EMCN: variants seen among roughly 807,000 people sequenced by gnomAD.
The protein encoded by EMCN is MUC-14.
A neutral mutation model predicts 38.4 loss-of-function variants in EMCN; 37 were observed. The observed-to-expected ratio is 0.96, with a 90% CI of 0.74 to 1.27. The LOEUF is 1.27. Ranked by LOEUF, EMCN falls within the 50% of genes most tolerant of loss-of-function variation. The pLI, the probability that EMCN is intolerant of heterozygous loss-of-function variation, is 0.00. For synonymous variants in EMCN, 95 were observed against 100.8 expected, an observed-to-expected ratio of 0.94 and a Z score of 0.35; for missense variants, 318 against 302.8, an observed-to-expected ratio of 1.05 and a Z score of -0.37.
intron 4 of EMCN, among the ~76,000 whole-genome samples, chr4:100,457,874 G>A (rs898385259): frequency 5.3e-5 from 8 of 152,076 alleles, no homozygotes; most frequent in African/African-American, 1.9e-4. Flanking sequence ...ATCCCAGGAC[G>A]TTGGGAGGCT....
intron 10 of EMCN, among the ~76,000 whole-genome samples, chr4:100,414,931 C>T (rs72919540): frequency 0.046 from 6,930 of 152,046 alleles, 528 homozygotes; most frequent in African/African-American, 0.16. Context: ...TATGAAGTCT[C>T]GCTCCTTTGT....
intron 5 of EMCN, among the ~76,000 whole-genome samples, chr4:100,446,682 T>G (rs751134961): frequency 2.6e-5 from 4 of 152,158 alleles, no homozygotes; most frequent in Non-Finnish European, 5.9e-5. Context: ...AATTATTTTA[T>G]CACCCAGGTA....
intron 4 of EMCN, among the ~76,000 whole-genome samples, chr4:100,457,249 A>G (rs1474938694): frequency 6.6e-6 from 1 of 151,462 alleles, no homozygotes. Context: ...AGATCATGTC[A>G]TCTGAGAACA....
Position 100,398,160 on chromosome 4 carries a change from G to C in EMCN, c.*253C>G, listed in dbSNP as rs190154394. The C allele has an allele frequency of 6.6e-6, 1 of 152,058 alleles. No individual in the cohort carries two copies. Among genetic ancestry groups the C allele is most frequent in the Non-Finnish European group, 1.5e-5 (1 of 68,012 alleles). The allele number at this position is 152,058 out of a possible 1,614,324, so 9.4% of individuals were successfully genotyped here. On this transcript the variant is annotated 3_prime_UTR_variant, in exon 12 of 12. Coordinates refer to ENST00000296420, the MANE Select transcript of EMCN (RefSeq NM_016242.4). The stretch of plus-strand genomic sequence containing the variant: ...TCCTAAAATTCCTTTTCCTAGGAAC[G>C]CTCCTGTAAATGGAGTAATGGAATT...
chr4:100,421,589 G>A (rs1488616118), intron 7 of EMCN, among the ~76,000 whole-genome samples: 1 of 152,036 alleles, frequency 6.6e-6, no homozygotes, highest in Non-Finnish European at 1.5e-5. Context: ...TAACCTTTCT[G>A]AAACAAAATT....
chr4:100,413,377 T>TC (rs1388815472), intron 10 of EMCN, among the ~76,000 whole-genome samples: 1 of 152,166 alleles, frequency 6.6e-6, no homozygotes, highest in East Asian at 1.9e-4. Context: ...GTTTTTTTTT[T>TC]CTACTTATTT....
In EMCN at chr4:100,439,754, C is replaced by T. The variant is rs534464337; in HGVS notation, c.415+7779G>A. On this transcript the variant is annotated intron_variant, in intron 5 of 11. Coordinates refer to ENST00000296420, the MANE Select transcript of EMCN (RefSeq NM_016242.4). The stretch of plus-strand genomic sequence containing the variant: ...TTGAGATTCTTTTTGTTTTTAATGT[C>T]GGCATGTATTGCTATAAACTTTTCT... Among the ~76,000 whole-genome samples, 10 of 151,680 alleles carry T rather than the reference C, an allele frequency of 6.6e-5. No homozygotes were observed. The South Asian group carries it at 1.7e-3, about 25-fold the overall frequency.
At chr4:100,475,633 C>T (rs1265964680) in intron 2 of EMCN, among the ~76,000 whole-genome samples, 1 of 124,318 alleles carries the variant, frequency 8.0e-6, no homozygotes, top group African/African-American at 3.1e-5. Flanking sequence ...GCTCTTTGCT[C>T]TTGAGGGCAG....
chr4:100,467,215 T>G lies in EMCN; in HGVS notation c.260-1676A>C, dbSNP rs535965319. On this transcript the variant is annotated intron_variant, in intron 3 of 11. Coordinates refer to ENST00000296420, the MANE Select transcript of EMCN (RefSeq NM_016242.4). ...AGTAGGCCTTGGAGCAAATCTTGAA[T>G]GTTTAAGATAAATCAAAATGTTTTA... is the stretch of plus-strand genomic sequence containing the variant. Among the ~76,000 whole-genome samples, 73 of 152,294 alleles carry G rather than the reference T, an allele frequency of 4.8e-4. 1 individual carries two copies. The highest frequency in any genetic ancestry group is 1.8e-3 in the Admixed American group (27 of 15,286).
chr4:100,417,079 G>T (rs764393111), intron 9 of EMCN, 38 bp downstream of exon 9: 3 of 1,600,848 alleles, frequency 1.9e-6, no homozygotes, highest in Admixed American at 1.7e-5. Flanking sequence ...CTACGTAAAT[G>T]GTAGGGTCTA....
chr4:100,453,837 C>T (rs1727921328), intron 4 of EMCN, among the ~76,000 whole-genome samples: 1 of 152,078 alleles, frequency 6.6e-6, no homozygotes, highest in African/African-American at 2.4e-5. Flanking sequence ...GAATACTATG[C>T]AGCCATAAAA....
chr4:100,476,395 A>G (rs1353392814), intron 2 of EMCN, among the ~76,000 whole-genome samples: 1 of 151,680 alleles, frequency 6.6e-6, no homozygotes, highest in Non-Finnish European at 1.5e-5. Flanking sequence ...GTGATCCCCC[A>G]ATTTCAACCA....
intron 4 of EMCN, among the ~76,000 whole-genome samples, chr4:100,464,140 A>G (rs1371689822): frequency 6.6e-6 from 1 of 151,566 alleles, no homozygotes; most frequent in African/African-American, 2.4e-5. Flanking sequence ...ATTTATTTCT[A>G]CATATTTTAT....
intron 3 of EMCN, among the ~76,000 whole-genome samples, chr4:100,466,408 T>A (rs953498705): frequency 2.6e-5 from 4 of 152,208 alleles, no homozygotes; most frequent in African/African-American, 9.6e-5. Context: ...TTCCATTCTA[T>A]GTCAACAAGC....
chr4:100,509,172 A>G (rs1729561542), intron 1 of EMCN, among the ~76,000 whole-genome samples: 1 of 152,232 alleles, frequency 6.6e-6, no homozygotes, highest in Admixed American at 6.5e-5. Flanking sequence ...TGCTTCCTAT[A>G]TACAGTTAAG....
At chr4:100,427,949 G>A (rs997600631) in intron 5 of EMCN, among the ~76,000 whole-genome samples, 2 of 152,016 alleles carry the variant, frequency 1.3e-5, no homozygotes, top group Non-Finnish European at 2.9e-5. Context: ...CAATCATCAG[G>A]AATAGTTATT....
chr4:100,500,184 AT>A (rs1729312385), intron 1 of EMCN, among the ~76,000 whole-genome samples: 1 of 152,120 alleles, frequency 6.6e-6, no homozygotes. Flanking sequence ...ATTTCTTAAG[AT>A]TTTTGAATTA....
At chr4:100,399,754 T>G (rs1726206271) in intron 11 of EMCN, among the ~76,000 whole-genome samples, 1 of 152,168 alleles carries the variant, frequency 6.6e-6, no homozygotes, top group African/African-American at 2.4e-5. Flanking sequence ...ATGACTTATT[T>G]TTTTATTTTT....
rs912703086 is a variant in EMCN, at chr4:100,396,151, A to C, written c.*2262T>G. On this transcript the variant is annotated 3_prime_UTR_variant, in exon 12 of 12. Transcript: ENST00000296420. The stretch of plus-strand genomic sequence containing the variant: ...CAGAAGTTTAAGTTGGTTTATAAAA[A>C]TGCAGACCTTACCTTTGAGATTGAT... The C allele has an allele frequency of 3.9e-5, 6 of 152,210 alleles. No homozygotes were observed. The highest frequency in any genetic ancestry group is 5.9e-5 in the Non-Finnish European group (4 of 68,042). 9.4% of individuals were successfully genotyped at this position (152,210 alleles called of 1,614,324 possible).
Sources: gnomAD v4.1 joint callset for allele counts (sites outside exome capture counted in the v4.1 genomes callset) on GRCh38, gnomAD v4.1.1 for gene constraint, MANE v1.5 for transcripts, NCBI Gene and HGNC (gene_info 2026-07-23, HGNC 2026-07-21) for gene names.